The following PCCA variants were observed in gnomAD, a reference collection of about 807,000 sequenced individuals.
The protein encoded by PCCA is propionyl-CoA carboxylase alpha chain, mitochondrial.
A neutral mutation model predicts 101.3 loss-of-function variants in PCCA; 74 were observed. The observed-to-expected ratio is 0.73, with a 90% CI of 0.61 to 0.89. The LOEUF (loss-of-function observed/expected upper bound fraction) is 0.89. Ranked by LOEUF, PCCA falls within the 40% of genes least tolerant of loss-of-function variation. The probability of loss-of-function intolerance (pLI) is 0.00; values close to 1 mark genes in which losing one functional copy is unlikely to be tolerated. For synonymous variants in PCCA, 294 were observed against 313.6 expected, an observed-to-expected ratio of 0.94 and a Z score of 0.66; for missense variants, 891 against 907.0, an observed-to-expected ratio of 0.98 and a Z score of 0.23.
At chr13:100,471,506 A>T (rs775071235) in intron 21 of PCCA, among the ~76,000 whole-genome samples, 1 of 152,250 alleles carries the variant, frequency 6.6e-6, no homozygotes, top group Non-Finnish European at 1.5e-5. Flanking sequence ...AAAGTGCATT[A>T]TCCTTGAAAC....
chr13:100,507,319 C>T (rs770120488), intron 21 of PCCA, among the ~76,000 whole-genome samples: 8 of 152,182 alleles, frequency 5.3e-5, no homozygotes, highest in Non-Finnish European at 8.8e-5. Flanking sequence ...GCACTTGGGC[C>T]AGGCAGAGGC....
intron 15 of PCCA, among the ~76,000 whole-genome samples, chr13:100,309,169 T>C (rs999616447): frequency 6.6e-6 from 1 of 152,122 alleles, no homozygotes; most frequent in Non-Finnish European, 1.5e-5. Context: ...CTGAGGTAGG[T>C]GGATCACCTA....
At chr13:100,430,965 G>A (rs1167086925) in intron 20 of PCCA, among the ~76,000 whole-genome samples, 3 of 152,234 alleles carry the variant, frequency 2.0e-5, no homozygotes, top group African/African-American at 4.8e-5. Flanking sequence ...ACGTACTAGT[G>A]TTATCCCTCA....
intron 13 of PCCA, among the ~76,000 whole-genome samples, chr13:100,302,535 A>G (rs1170837971): frequency 6.6e-6 from 1 of 151,978 alleles, no homozygotes; most frequent in Admixed American, 6.6e-5. Flanking sequence ...GTTTTACCAT[A>G]TGTGAACTGT....
chr13:100,283,301 C>G (rs575343788), intron 12 of PCCA, among the ~76,000 whole-genome samples: 162 of 152,066 alleles, frequency 1.1e-3, no homozygotes, highest in African/African-American at 3.8e-3. Flanking sequence ...CGGTCAGCAA[C>G]CCATCCCCAG....
At chr13:100,130,305 G>T (rs2152320316) in intron 4 of PCCA, among the ~76,000 whole-genome samples, 1 of 152,332 alleles carries the variant, frequency 6.6e-6, no homozygotes, top group South Asian at 2.1e-4. Context: ...TGCCAAGTTG[G>T]AGTAGCAAAG....
intron 12 of PCCA, among the ~76,000 whole-genome samples, chr13:100,291,266 A>G (rs1232383962): frequency 6.6e-6 from 1 of 152,150 alleles, no homozygotes; most frequent in Non-Finnish European, 1.5e-5. Context: ...TGACAGAGCA[A>G]GACCCATTTC....
chr13:100,409,309 G>A (rs535630509), intron 19 of PCCA, among the ~76,000 whole-genome samples: 39 of 152,188 alleles, frequency 2.6e-4, no homozygotes, highest in African/African-American at 9.4e-4. Context: ...CCCCACATTG[G>A]GCGCCAAAAA....
chr13:100,374,852 G>A (rs1335138323), intron 19 of PCCA, among the ~76,000 whole-genome samples: 3 of 152,058 alleles, frequency 2.0e-5, no homozygotes, highest in African/African-American at 4.8e-5. Context: ...AGGGTTTTTC[G>A]TGTCTCTGTC....
chr13:100,397,806 G>A (rs982105069), intron 19 of PCCA, among the ~76,000 whole-genome samples: 2 of 152,194 alleles, frequency 1.3e-5, no homozygotes, highest in Non-Finnish European at 2.9e-5. Flanking sequence ...TGTGACTGTC[G>A]TTCAGAACAA....
At chr13:100,367,694 C>T (rs1413491619) in intron 18 of PCCA, among the ~76,000 whole-genome samples, 2 of 144,582 alleles carry the variant, frequency 1.4e-5, no homozygotes, top group Non-Finnish European at 3.0e-5. Context: ...CGCGGTGGCT[C>T]ATGCCTGTAA....
At chr13:100,143,101 T>C (rs1046777439) in intron 4 of PCCA, among the ~76,000 whole-genome samples, 4 of 152,198 alleles carry the variant, frequency 2.6e-5, no homozygotes, top group Admixed American at 1.3e-4. Flanking sequence ...TGTGTTTATC[T>C]GAGTGTGGTT....
At chr13:100,273,436 T>C in intron 12 of PCCA, 90 bp downstream of exon 12, 2 of 1,017,098 alleles carry the variant, frequency 2.0e-6, no homozygotes, top group Non-Finnish European at 3.1e-6. Context: ...GTTAAAAAAT[T>C]AACTCCATAA....
rs1420003141 is a variant in PCCA, at chr13:100,530,098, G to C, written c.2119G>C (p.Val707Leu). Residue 707 changes from valine to leucine, a missense_variant and splice_region_variant, in exon 24 of 24, where the codon GTG (valine) becomes CTG (leucine). Val to Leu is a conservative substitution (Grantham distance 32). Transcript: ENST00000376285. ...NSMTAGKTGT[V>L]KSVHCQAGDT... ...CCCCCTGCATTTTTCAAAATTCAAG[G>C]TGAAATCTGTGCACTGTCAAGCTGG... The C allele has an allele frequency of 1.2e-6, 2 of 1,613,530 alleles. No individual in the cohort carries two copies. Among genetic ancestry groups the C allele is most frequent in the African/African-American group, 2.7e-5 (2 of 74,908 alleles).
chr13:100,429,769 G>A (rs1057063570), intron 20 of PCCA, among the ~76,000 whole-genome samples: 34 of 151,744 alleles, frequency 2.2e-4, no homozygotes, highest in East Asian at 3.9e-4. Flanking sequence ...ACCATGCCTC[G>A]CTAATTTTTG....
intron 4 of PCCA, among the ~76,000 whole-genome samples, chr13:100,137,246 T>G (rs1485305759): frequency 6.6e-6 from 1 of 152,198 alleles, no homozygotes; most frequent in East Asian, 1.9e-4. Flanking sequence ...TTTTTCAGTG[T>G]GTTAAGTTCA....
At chr13:100,388,314 A>T (rs1464010480) in intron 19 of PCCA, among the ~76,000 whole-genome samples, 1 of 151,966 alleles carries the variant, frequency 6.6e-6, no homozygotes. Flanking sequence ...ACAAAAAAAA[A>T]TTAGCCAGGC....
intron 9 of PCCA, among the ~76,000 whole-genome samples, chr13:100,259,470 G>A (rs1379607635): frequency 3.3e-5 from 5 of 151,432 alleles, no homozygotes; most frequent in African/African-American, 1.2e-4. Flanking sequence ...GAGTAGCTGG[G>A]ACTACAGCTG....
At chr13:100,209,176 C>T (rs1027472289) in intron 6 of PCCA, among the ~76,000 whole-genome samples, 156 bp from the exon 7 acceptor site, 5 of 152,060 alleles carry the variant, frequency 3.3e-5, no homozygotes, top group Non-Finnish European at 4.4e-5. Flanking sequence ...GTACTATATG[C>T]AATATAGTAT....
Sources: allele counts gnomAD v4.1 joint callset (sites outside exome capture counted in the v4.1 genomes callset), GRCh38; gene constraint gnomAD v4.1.1; transcripts MANE v1.5; gene names NCBI Gene and HGNC (gene_info 2026-07-23, HGNC 2026-07-21).